Variants in GMDS observed in about 807,000 individuals in gnomAD.
The protein encoded by GMDS is GDP-mannose 4,6-dehydratase, also known as GDP-mannose 4,6 dehydratase.
Under a neutral mutation model 49.9 loss-of-function variants are expected in GMDS, and 20 were observed. That is an observed-to-expected ratio of 0.40 (90% CI 0.28 to 0.58). GMDS has a LOEUF of 0.58. Among genes scored for constraint, GMDS ranks in the 20% least tolerant of loss-of-function variants. The pLI, the probability that GMDS is intolerant of heterozygous loss-of-function variation, is 0.42. For missense variants in GMDS, 362 were observed against 481.4 expected (o/e 0.75, Z 2.32); for synonymous variants, 177 against 178.6 (o/e 0.99, Z 0.07).
At chr6:1,767,158 A>G (rs1307787440) in intron 7 of GMDS, among the ~76,000 whole-genome samples, 2 of 152,220 alleles carry the variant, frequency 1.3e-5, no homozygotes, top group Non-Finnish European at 2.9e-5. Context: ...TAAACCACAA[A>G]GGGAATATGA....
At chr6:2,013,240 T>A (rs1222063291) in intron 4 of GMDS, among the ~76,000 whole-genome samples, 1 of 152,048 alleles carries the variant, frequency 6.6e-6, no homozygotes, top group African/African-American at 2.4e-5. Flanking sequence ...AGAAACAACA[T>A]CACAAGTCAA....
intron 4 of GMDS, among the ~76,000 whole-genome samples, chr6:1,992,936 T>C (rs549866857): frequency 6.6e-6 from 1 of 152,260 alleles, no homozygotes; most frequent in African/African-American, 2.4e-5. Flanking sequence ...CCCCTGCACT[T>C]CCCACAAAAA....
intron 1 of GMDS, among the ~76,000 whole-genome samples, chr6:2,189,054 T>G (rs1372077397): frequency 6.6e-6 from 1 of 152,140 alleles, no homozygotes; most frequent in Non-Finnish European, 1.5e-5. Flanking sequence ...CATAGTTATA[T>G]GAACTGGTGG....
At chr6:1,744,007 T>C (rs1767389601) in intron 7 of GMDS, among the ~76,000 whole-genome samples, 1 of 152,218 alleles carries the variant, frequency 6.6e-6, no homozygotes, top group African/African-American at 2.4e-5. Context: ...CTCCCTAAGT[T>C]GTTCCTTGAT....
chr6:2,212,388 G>A (rs1184974501), intron 1 of GMDS, among the ~76,000 whole-genome samples: 1 of 152,048 alleles, frequency 6.6e-6, no homozygotes, highest in East Asian at 1.9e-4. Context: ...AGCGAGCATT[G>A]CAGGACCAAC....
chr6:1,923,643 G>A (rs936262339), intron 7 of GMDS, among the ~76,000 whole-genome samples: 11 of 152,286 alleles, frequency 7.2e-5, no homozygotes, highest in Admixed American at 2.6e-4. Context: ...GCTCACTCAC[G>A]CGCTCCCTCC....
chr6:2,098,009 G>GA (rs59289927), intron 4 of GMDS, among the ~76,000 whole-genome samples: 7,957 of 134,222 alleles, frequency 0.059, 625 homozygotes, highest in African/African-American at 0.19. Flanking sequence ...TATGTTTTAA[G>GA]AAAAAAAAAA....
chr6:1,698,787 C>CT (rs10641587), intron 9 of GMDS, among the ~76,000 whole-genome samples: 64,455 of 133,006 alleles, frequency 0.48, 16,743 homozygotes, highest in Middle Eastern at 0.63. Context: ...CCTGGTTTCC[C>CT]TTTTTTTTTT....
At chr6:1,712,986 C>T (rs1766025663) in intron 9 of GMDS, among the ~76,000 whole-genome samples, 1 of 152,204 alleles carries the variant, frequency 6.6e-6, no homozygotes, top group Non-Finnish European at 1.5e-5. Context: ...GCCGTTTCTG[C>T]TGCAGATAGT....
chr6:1,909,619 C>T (rs924915387), intron 7 of GMDS, among the ~76,000 whole-genome samples: 4 of 152,120 alleles, frequency 2.6e-5, no homozygotes, highest in East Asian at 3.9e-4. Flanking sequence ...TGTGTCCATC[C>T]GTGTGTGATG....
At chr6:1,898,655 G>C (rs1760345349) in intron 7 of GMDS, among the ~76,000 whole-genome samples, 1 of 152,148 alleles carries the variant, frequency 6.6e-6, no homozygotes, top group African/African-American at 2.4e-5. Flanking sequence ...CAAGTGTCCT[G>C]TCAGTTACAA....
chr6:1,856,030 A>C (rs1284114874), intron 7 of GMDS, among the ~76,000 whole-genome samples: 1 of 152,196 alleles, frequency 6.6e-6, no homozygotes, highest in Admixed American at 6.5e-5. Flanking sequence ...CAACCGTTTC[A>C]ACATCCTCCA....
chr6:1,809,870 A>G (rs1770342025), intron 7 of GMDS, among the ~76,000 whole-genome samples: 1 of 152,306 alleles, frequency 6.6e-6, no homozygotes, highest in Admixed American at 6.5e-5. Flanking sequence ...ATACGTTACA[A>G]TACAACTCAG....
intron 4 of GMDS, among the ~76,000 whole-genome samples, chr6:2,004,623 T>C (rs1767042968): frequency 6.6e-6 from 1 of 152,178 alleles, no homozygotes; most frequent in African/African-American, 2.4e-5. Context: ...ATATTCTTAC[T>C]GACAGAAGCC....
rs142639521 is a variant in GMDS, at chr6:1,878,172, A to G, written c.771+51931T>C. Among the ~76,000 whole-genome samples the G allele has an allele frequency of 8.6e-4, 131 of 152,048 alleles. 1 individual carries two copies. Among genetic ancestry groups the G allele is most frequent in the South Asian group, 4.6e-3 (22 of 4,796 alleles). ...ACTAAAAATACACAAAAAATTAGCC[A>G]GGCGTGGTGGCGGGCACCTGTAGTC... On this transcript the variant is annotated intron_variant, in intron 7 of 10. Coordinates refer to ENST00000380815, the MANE Select transcript of GMDS (RefSeq NM_001500.4).
chr6:1,667,887 G>C (rs1764285266), intron 9 of GMDS, among the ~76,000 whole-genome samples: 1 of 151,886 alleles, frequency 6.6e-6, no homozygotes, highest in Admixed American at 6.6e-5. Flanking sequence ...TACTGTCCTG[G>C]TTAAGTTTCT....
intron 6 of GMDS, among the ~76,000 whole-genome samples, chr6:1,952,818 G>C (rs1166364945): frequency 6.6e-6 from 1 of 152,124 alleles, no homozygotes; most frequent in African/African-American, 2.4e-5. Flanking sequence ...TAAACACTGA[G>C]AGAAGAAAGA....
At position 2,242,024 on chromosome 6, in the gene GMDS, T is replaced by C. The variant is rs138741493; in HGVS notation, c.102+3297A>G. 3.7e-3 allele frequency among the ~76,000 whole-genome samples: 567 copies of C among 152,344 alleles called. 3 individuals carry two copies. Among genetic ancestry groups the C allele is most frequent in the African/African-American group, 0.013 (525 of 41,580 alleles). On this transcript the variant is annotated intron_variant, in intron 1 of 10. Coordinates refer to ENST00000380815, the MANE Select transcript of GMDS (RefSeq NM_001500.4). The stretch of plus-strand genomic sequence containing the variant: ...GGTAACAGGCTGAAAATGAGATTTC[T>C]ATCTTAAAGTAGTTCATAATCTCAA...
At chr6:1,997,249 C>T (rs769948370) in intron 4 of GMDS, among the ~76,000 whole-genome samples, 1 of 152,040 alleles carries the variant, frequency 6.6e-6, no homozygotes, top group Non-Finnish European at 1.5e-5. Flanking sequence ...GTGGCTCATG[C>T]CTGTAATCAC....
Sources: gnomAD v4.1 joint callset for allele counts (sites outside exome capture counted in the v4.1 genomes callset) on GRCh38, gnomAD v4.1.1 for gene constraint, MANE v1.5 for transcripts, NCBI Gene and HGNC (gene_info 2026-07-23, HGNC 2026-07-21) for gene names.